FSTL5: variants seen among roughly 807,000 people sequenced by gnomAD.
The protein encoded by FSTL5 is follistatin-related protein 5.
FSTL5 carries 62 observed loss-of-function variants against 89.1 expected under a neutral mutation model. The ratio of observed to expected loss-of-function variants is 0.70; its 90% CI spans 0.57 to 0.86. FSTL5 has a LOEUF of 0.86. Ranked by LOEUF, FSTL5 falls within the 40% of genes least tolerant of loss-of-function variation. The pLI is 0.00. For synonymous variants in FSTL5, 383 were observed against 346.2 expected, an observed-to-expected ratio of 1.11 and a Z score of -1.18; for missense variants, 1,057 against 1,001.6, an observed-to-expected ratio of 1.06 and a Z score of -0.75.
At chr4:162,133,868 C>G (rs1313924694) in intron 1 of FSTL5, among the ~76,000 whole-genome samples, 1 of 152,180 alleles carries the variant, frequency 6.6e-6, no homozygotes, top group Non-Finnish European at 1.5e-5. Flanking sequence ...TAAGGATTCT[C>G]TCTTACCTGG....
Position 162,008,729 on chromosome 4 carries a change from T to A in FSTL5, c.160+24896A>T, listed in dbSNP as rs115952129. ...TAGATAAAAAACTGCTGGGCTCTGATCTCCTTTAGCATAAATGACTTTAGG... is the reference window on the plus strand; with the variant it reads ...TAGATAAAAAACTGCTGGGCTCTGAACTCCTTTAGCATAAATGACTTTAGG... On this transcript the variant is annotated intron_variant, in intron 3 of 15. Transcript: ENST00000306100. Among the ~76,000 whole-genome samples the A allele has an allele frequency of 2.0e-3, 309 of 152,070 alleles. 3 individuals are homozygous for A. The highest frequency in any genetic ancestry group is 3.9e-3 in the South Asian group (19 of 4,832).
chr4:162,107,551 A>G (rs1348257098), intron 2 of FSTL5, among the ~76,000 whole-genome samples: 2 of 152,114 alleles, frequency 1.3e-5, no homozygotes, highest in Admixed American at 6.6e-5. Context: ...CAGACCTGCA[A>G]TTAGGATGGT....
chr4:161,902,897 A>G (rs1733412299), intron 4 of FSTL5, among the ~76,000 whole-genome samples: 1 of 152,110 alleles, frequency 6.6e-6, no homozygotes, highest in African/African-American at 2.4e-5. Flanking sequence ...TTCTGTGGGT[A>G]TACTTAATTC....
chr4:161,571,050 G>A (rs986815279), intron 8 of FSTL5, among the ~76,000 whole-genome samples: 6 of 151,816 alleles, frequency 4.0e-5, no homozygotes, highest in African/African-American at 1.5e-4. Context: ...CGGAGGTTTC[G>A]GTGAGCCAAG....
chr4:162,053,241 T>C lies in FSTL5; in HGVS notation c.127-19583A>G, dbSNP rs1194740439. Among the ~76,000 whole-genome samples, 4 of 151,916 alleles carry C rather than the reference T, an allele frequency of 2.6e-5. No individual in the cohort carries two copies. The South Asian group carries it at 6.2e-4, about 24-fold the overall frequency. On this transcript the variant is annotated intron_variant, in intron 2 of 15. Coordinates refer to ENST00000306100, the MANE Select transcript of FSTL5 (RefSeq NM_020116.5). ...TCTAGGTAAAGGAAAAATACTTTCC[T>C]GAGTATTTTCTGAGTGTTTTTCAGA...
intron 4 of FSTL5, among the ~76,000 whole-genome samples, chr4:161,858,942 A>G (rs939777204): frequency 6.6e-6 from 1 of 152,176 alleles, no homozygotes; most frequent in Non-Finnish European, 1.5e-5. Context: ...AAAATCTCAT[A>G]TAAGTCTTAA....
chr4:162,155,987 G>A (rs1327707994), intron 1 of FSTL5, among the ~76,000 whole-genome samples: 1 of 152,134 alleles, frequency 6.6e-6, no homozygotes, highest in Non-Finnish European at 1.5e-5. Context: ...TTAATCAAGA[G>A]AAATCCAGAG....
chr4:162,134,535 T>A (rs1732453855), intron 1 of FSTL5, among the ~76,000 whole-genome samples: 1 of 148,206 alleles, frequency 6.7e-6, no homozygotes, highest in Admixed American at 6.7e-5. Context: ...CAAAACAACT[T>A]AATAACTCTT....
At chr4:162,131,150 A>G (rs1732285830) in intron 1 of FSTL5, among the ~76,000 whole-genome samples, 1 of 152,134 alleles carries the variant, frequency 6.6e-6, no homozygotes, top group Admixed American at 6.5e-5. Flanking sequence ...TAGAAGACTT[A>G]AGAATATATT....
chr4:162,073,381 A>G (rs1303431657), intron 2 of FSTL5, among the ~76,000 whole-genome samples: 1 of 151,846 alleles, frequency 6.6e-6, no homozygotes, highest in African/African-American at 2.4e-5. Context: ...ACAATAAATT[A>G]TCTGATTGAT....
chr4:161,413,159 C>A (rs1278284848), intron 15 of FSTL5, among the ~76,000 whole-genome samples: 1 of 148,974 alleles, frequency 6.7e-6, no homozygotes, highest in Non-Finnish European at 1.5e-5. Flanking sequence ...TCAACCTATG[C>A]ATCTGACAAA....
At chr4:161,464,996 C>T (rs1464267009) in intron 13 of FSTL5, among the ~76,000 whole-genome samples, 1 of 152,000 alleles carries the variant, frequency 6.6e-6, no homozygotes, top group African/African-American at 2.4e-5. Context: ...GCACTATTGT[C>T]ATCTCTTTTA....
At position 162,059,827 on chromosome 4, in the gene FSTL5, G is replaced by A. The variant is rs145973068; in HGVS notation, c.127-26169C>T. ...AAGATGGACTGCAAAGAAGATCAAG[G>A]TTATGAGATCAGAAACTGACACACA... is the stretch of plus-strand genomic sequence containing the variant. On this transcript the variant is annotated intron_variant, in intron 2 of 15. Transcript: ENST00000306100. 1.9e-3 allele frequency among the ~76,000 whole-genome samples: 294 copies of A among 152,256 alleles called. 4 individuals are homozygous for A. Among genetic ancestry groups the A allele is most frequent in the African/African-American group, 6.8e-3 (283 of 41,568 alleles).
intron 1 of FSTL5, among the ~76,000 whole-genome samples, chr4:162,158,568 T>C (rs1274259386): frequency 1.3e-5 from 2 of 152,076 alleles, no homozygotes; most frequent in African/African-American, 4.8e-5. Flanking sequence ...TACTGGACTT[T>C]TGACCTAAAT....
At chr4:162,072,060 G>A (rs1729648669) in intron 2 of FSTL5, among the ~76,000 whole-genome samples, 1 of 151,744 alleles carries the variant, frequency 6.6e-6, no homozygotes, top group Non-Finnish European at 1.5e-5. Context: ...TCTACAGTAA[G>A]TGATCAGTGA....
intron 15 of FSTL5, among the ~76,000 whole-genome samples, chr4:161,437,314 C>T (rs1732589717): frequency 6.6e-6 from 1 of 152,018 alleles, no homozygotes. Flanking sequence ...CGCCTGTAAT[C>T]CCAGCACTTT....
chr4:161,879,066 T>C (rs551119314), intron 4 of FSTL5, among the ~76,000 whole-genome samples: 1 of 152,162 alleles, frequency 6.6e-6, no homozygotes, highest in Non-Finnish European at 1.5e-5. Context: ...AACTATGTCT[T>C]TCTTCCTCTC....
chr4:162,011,750 G>C (rs929702946), intron 3 of FSTL5, among the ~76,000 whole-genome samples: 1 of 152,108 alleles, frequency 6.6e-6, no homozygotes, highest in Non-Finnish European at 1.5e-5. Flanking sequence ...GCCTGCCTCG[G>C]CCTCCCAAAG....
intron 3 of FSTL5, among the ~76,000 whole-genome samples, chr4:161,970,089 T>C (rs1374664847): frequency 6.6e-6 from 1 of 152,074 alleles, no homozygotes; most frequent in Non-Finnish European, 1.5e-5. Flanking sequence ...ATGTTTTGAT[T>C]GATTTGTTTA....
Sources: allele counts gnomAD v4.1 joint callset (sites outside exome capture counted in the v4.1 genomes callset), GRCh38; gene constraint gnomAD v4.1.1; transcripts MANE v1.5; gene names NCBI Gene and HGNC (gene_info 2026-07-23, HGNC 2026-07-21).